Variants in LUZP2 observed in about 807,000 individuals in gnomAD.
LUZP2 encodes the protein leucine zipper protein 2.
In LUZP2, 52 loss-of-function variants were observed where a neutral mutation model predicts 51.6. The observed-to-expected ratio is 1.01, with a 90% CI of 0.81 to 1.27. LUZP2 has a LOEUF of 1.27. Among genes scored for constraint, LUZP2 ranks in the 50% most tolerant of loss-of-function variants. The probability of loss-of-function intolerance (pLI) is 0.00; values close to 1 mark genes in which losing one functional copy is unlikely to be tolerated. For synonymous variants in LUZP2, 154 were observed against 137.3 expected, an observed-to-expected ratio of 1.12 and a Z score of -0.85; for missense variants, 436 against 395.4, an observed-to-expected ratio of 1.10 and a Z score of -0.87.
chr11:24,815,188 T>G (rs1850143255), intron 5 of LUZP2, among the ~76,000 whole-genome samples: 1 of 152,284 alleles, frequency 6.6e-6, no homozygotes, highest in African/African-American at 2.4e-5. Context: ...ACACAAATTT[T>G]CCTATAAATG....
At chr11:24,785,014 G>A (rs1357608093) in intron 5 of LUZP2, among the ~76,000 whole-genome samples, 1 of 151,982 alleles carries the variant, frequency 6.6e-6, no homozygotes, top group African/African-American at 2.4e-5. Context: ...CCACAGATCT[G>A]TGGAAGTGTG....
chr11:24,556,749 C>T (rs1029594988), intron 1 of LUZP2, among the ~76,000 whole-genome samples: 2 of 152,104 alleles, frequency 1.3e-5, no homozygotes, highest in Non-Finnish European at 2.9e-5. Context: ...CTGTCCTATA[C>T]ATATTTTCCA....
chr11:25,055,400 A>G (rs1428108701), intron 10 of LUZP2, among the ~76,000 whole-genome samples: 1 of 151,894 alleles, frequency 6.6e-6, no homozygotes, highest in Non-Finnish European at 1.5e-5. Flanking sequence ...TTTCTTAAGT[A>G]CTTTTCTCTT....
At chr11:24,697,543 C>A (rs1857286504) in intron 1 of LUZP2, among the ~76,000 whole-genome samples, 1 of 152,116 alleles carries the variant, frequency 6.6e-6, no homozygotes, top group Admixed American at 6.6e-5. Flanking sequence ...GCCAAGATAA[C>A]CATGGAAGAA....
intron 1 of LUZP2, among the ~76,000 whole-genome samples, chr11:24,601,980 A>ATAAATG (rs1853674622): frequency 1.5e-5 from 1 of 64,706 alleles, no homozygotes; most frequent in African/African-American, 8.1e-5. Flanking sequence ...GTGTATATGT[A>ATAAATG]TATATATGTG....
intron 5 of LUZP2, among the ~76,000 whole-genome samples, chr11:24,841,867 G>A (rs906503468): frequency 6.6e-6 from 1 of 151,984 alleles, no homozygotes; most frequent in African/African-American, 2.4e-5. Context: ...TTCTGCCTCT[G>A]CAGTGTCTCT....
chr11:24,648,991 G>T (rs1460038273), intron 1 of LUZP2, among the ~76,000 whole-genome samples: 3 of 151,924 alleles, frequency 2.0e-5, no homozygotes, highest in Non-Finnish European at 4.4e-5. Context: ...TCCAATAAGG[G>T]TATTCTAGTG....
At chr11:25,025,621 A>G (rs1857467907) in intron 9 of LUZP2, among the ~76,000 whole-genome samples, 1 of 152,164 alleles carries the variant, frequency 6.6e-6, no homozygotes, top group South Asian at 2.1e-4. Flanking sequence ...TAGAATGGCG[A>G]TCATTAAAAA....
At chr11:25,064,987 C>T (rs534603776) in intron 10 of LUZP2, among the ~76,000 whole-genome samples, 1 of 152,110 alleles carries the variant, frequency 6.6e-6, no homozygotes, top group South Asian at 2.1e-4. Context: ...CTACTCAGAC[C>T]AATCTCTAAA....
intron 3 of LUZP2, among the ~76,000 whole-genome samples, chr11:24,736,100 AT>A (rs1858926248): frequency 6.6e-6 from 1 of 151,898 alleles, no homozygotes; most frequent in South Asian, 2.1e-4. Flanking sequence ...TCTTTTCCAG[AT>A]TTTACAATTT....
intron 4 of LUZP2, among the ~76,000 whole-genome samples, chr11:24,758,095 T>C (rs2134022240): frequency 6.6e-6 from 1 of 152,224 alleles, no homozygotes; most frequent in South Asian, 2.1e-4. Context: ...CATAACAATA[T>C]GACTAAATAA....
At position 24,899,571 on chromosome 11, in the gene LUZP2, A is replaced by T. The variant is rs7950034; in HGVS notation, c.397-6420A>T. Among the ~76,000 whole-genome samples the T allele has an allele frequency of 5.4e-3, 829 of 152,254 alleles. 5 individuals are homozygous for T. Among genetic ancestry groups the T allele is most frequent in the African/African-American group, 0.015 (636 of 41,556 alleles). On this transcript the variant is annotated intron_variant, in intron 5 of 11. Coordinates refer to ENST00000336930, the MANE Select transcript of LUZP2 (RefSeq NM_001009909.4). ...TGACAATTATTTAAAAATGCACTTTATATACAAAGTCTCAAGAAAGATGAA... is the reference window on the plus strand; with the variant it reads ...TGACAATTATTTAAAAATGCACTTTTTATACAAAGTCTCAAGAAAGATGAA...
chr11:25,073,668 G>A (rs1859221838), intron 10 of LUZP2, among the ~76,000 whole-genome samples: 1 of 151,956 alleles, frequency 6.6e-6, no homozygotes, highest in South Asian at 2.1e-4. Context: ...CCTCTACTCA[G>A]CACCTTCTTC....
In LUZP2 at chr11:24,723,724, G is replaced by A. The variant is rs117704037; in HGVS notation, c.63-5445G>A. Among the ~76,000 whole-genome samples the A allele has an allele frequency of 2.8e-3, 432 of 152,158 alleles. 2 individuals are homozygous for A. The highest frequency in any genetic ancestry group is 4.1e-3 in the Non-Finnish European group (281 of 67,994). On this transcript the variant is annotated intron_variant, in intron 1 of 11. Transcript: ENST00000336930. The stretch of plus-strand genomic sequence containing the variant: ...TGTGTGCCTATAGTTCCAGCTACTC[G>A]GGAGGTTGAGGTGGGAGGATGGCTT...
intron 2 of LUZP2, among the ~76,000 whole-genome samples, chr11:24,730,981 T>C (rs1858691642): frequency 6.6e-6 from 1 of 151,764 alleles, no homozygotes; most frequent in Non-Finnish European, 1.5e-5. Flanking sequence ...CTGTGAATGA[T>C]TATTTTTTTT....
At chr11:24,971,587 T>C (rs1855736386) in intron 7 of LUZP2, among the ~76,000 whole-genome samples, 1 of 152,090 alleles carries the variant, frequency 6.6e-6, no homozygotes, top group Non-Finnish European at 1.5e-5. Flanking sequence ...CATCATGCAA[T>C]ATCCGCATGT....
At chr11:24,957,114 A>G (rs1046494232) in intron 7 of LUZP2, among the ~76,000 whole-genome samples, 9 of 152,116 alleles carry the variant, frequency 5.9e-5, no homozygotes, top group African/African-American at 2.2e-4. Context: ...GTCTTGTTCA[A>G]CTTGGCTTTT....
rs201422690 is a variant in LUZP2 at position 24,964,795 on chromosome 11, A to AT, written c.523-11787dup. Among the ~76,000 whole-genome samples, 395 of 151,040 alleles carry AT rather than the reference A, an allele frequency of 2.6e-3. 4 individuals carry two copies. Among genetic ancestry groups the AT allele is most frequent in the African/African-American group, 7.9e-3 (326 of 41,278 alleles). On this transcript the variant is annotated intron_variant, in intron 7 of 11. Transcript: ENST00000336930. ...ATGCTTCTAGATTATATCTCAAAGC[A>AT]TTTTTTTTTACTGTATTTATTTACC... is the stretch of plus-strand genomic sequence containing the variant.
chr11:25,044,828 G>A (rs1360433770), intron 9 of LUZP2, among the ~76,000 whole-genome samples: 1 of 151,982 alleles, frequency 6.6e-6, no homozygotes, highest in African/African-American at 2.4e-5. Context: ...AACAAGGATA[G>A]ACTGGATTAA....
Sources: gnomAD v4.1 joint callset for allele counts (sites outside exome capture counted in the v4.1 genomes callset) on GRCh38, gnomAD v4.1.1 for gene constraint, MANE v1.5 for transcripts, NCBI Gene and HGNC (gene_info 2026-07-23, HGNC 2026-07-21) for gene names.